SLC26A11: variants seen among roughly 807,000 people sequenced by gnomAD.
The protein encoded by SLC26A11 is solute carrier family 26 member 11.
In SLC26A11, 58 loss-of-function variants were observed where a neutral mutation model predicts 62.2. The ratio of observed to expected loss-of-function variants is 0.93; its 90% CI spans 0.76 to 1.16. SLC26A11 has a LOEUF of 1.16. SLC26A11 is among the 50% of genes most tolerant of loss of function. The pLI is 0.00. For missense variants in SLC26A11, 790 were observed against 794.3 expected, an observed-to-expected ratio of 0.99 and a Z score of 0.06; for synonymous variants, 411 against 368.9, an observed-to-expected ratio of 1.11 and a Z score of -1.31.
chr17:80,237,151 C>T, intron 8 of SLC26A11, 48 bp downstream of exon 8: 1 of 1,580,292 alleles, frequency 6.3e-7, no homozygotes. Context: ...CTGCGGTGGC[C>T]CCTGGCCTGG....
chr17:80,221,510 C>A, intron 2 of SLC26A11, 38 bp from the exon 3 acceptor site: 1 of 1,432,706 alleles, frequency 7.0e-7, no homozygotes, highest in Non-Finnish European at 9.3e-7. Flanking sequence ...TCAAAGGCCA[C>A]GCTCTGACTG....
intron 7 of SLC26A11, among the ~76,000 whole-genome samples, chr17:80,234,482 G>GTTTT (rs1567954461): frequency 6.6e-6 from 1 of 151,484 alleles, no homozygotes; most frequent in African/African-American, 2.4e-5. Flanking sequence ...TTGTTTGTTT[G>GTTTT]TTTTTTGTTT....
In SLC26A11 at chr17:80,233,733, C is replaced by A. The variant is rs115171948; in HGVS notation, c.737-3195C>A. ...GGACTATAGGCATGCATCACCACGC[C>A]TGGATAATTTTTTATTTTTACTTTT... On this transcript the variant is annotated intron_variant, in intron 7 of 17. Transcript: ENST00000361193. Among the ~76,000 whole-genome samples the A allele has an allele frequency of 3.5e-3, 532 of 152,124 alleles. 5 individuals are homozygous for A. The highest frequency in any genetic ancestry group is 0.012 in the African/African-American group (513 of 41,488).
At chr17:80,245,486 A>G in intron 11 of SLC26A11, 1 of 538,536 alleles carries the variant, frequency 1.9e-6, no homozygotes, top group Non-Finnish European at 3.4e-6. Flanking sequence ...GCATTGTGGT[A>G]CACCCTTGTT....
In SLC26A11 at chr17:80,222,071, T is replaced by C. The variant is rs1277975719; in HGVS notation, c.234+277T>C. On this transcript the variant is annotated intron_variant, in intron 3 of 17. Transcript: ENST00000361193. This position sits in a 1 kb window ranked among gnomAD's most constrained non-coding sequence, Gnocchi z 4.7. ...GCCCGACCAAAATGGTGAAACCCCG[T>C]CTCCACTAAAAATACAAAAATTAGG... is the stretch of plus-strand genomic sequence containing the variant. 2 of 420,788 alleles carry C rather than the reference T, an allele frequency of 4.8e-6. No homozygotes were observed. Among genetic ancestry groups the C allele is most frequent in the African/African-American group, 2.1e-5 (1 of 48,592 alleles). The allele number at this position is 420,788 out of a possible 1,614,324, so 26.1% of individuals were successfully genotyped here. A position where few individuals can be genotyped will look rare whatever the true frequency, so the allele number is the denominator to read the frequency against.
At position 80,252,672 on chromosome 17, in the gene SLC26A11, G is replaced by A; in HGVS notation, c.1777G>A (p.Glu593Lys). Residue 593 changes from glutamate to lysine, a missense_variant, in exon 18 of 18, where the codon GAA becomes AAA. Transcript: ENST00000361193. The surrounding 1 kb of genome is among the most constrained non-coding windows in gnomAD (Gnocchi z 5.2). ...AGGGACCCAGCCCTACAACATCAGA[G>A]AAGACTCCATTCTGGACCAAAAGGT... ...EPGTQPYNIR[E>K]DSILDQKVAL... is the part of the protein sequence containing the mutation. 6.2e-7 allele frequency: 1 copy of A among 1,614,054 alleles called. No individual in the cohort carries two copies. Among genetic ancestry groups the A allele is most frequent in the Non-Finnish European group, 8.5e-7 (1 of 1,179,998 alleles).
chr17:80,227,534 A>T (rs2042444417), intron 6 of SLC26A11, among the ~76,000 whole-genome samples: 1 of 152,248 alleles, frequency 6.6e-6, no homozygotes, highest in African/African-American at 2.4e-5. Flanking sequence ...TAGAACAGGG[A>T]TGCATATTGC....
At chr17:80,239,291 C>A (rs1273809986) in intron 9 of SLC26A11, among the ~76,000 whole-genome samples, 4 of 151,776 alleles carry the variant, frequency 2.6e-5, no homozygotes, top group African/African-American at 9.7e-5. Context: ...GTTGATCATA[C>A]TGGTCTCAAA....
chr17:80,247,647 C>T (rs541744349), intron 13 of SLC26A11, among the ~76,000 whole-genome samples: 7 of 152,220 alleles, frequency 4.6e-5, no homozygotes, highest in African/African-American at 7.2e-5. Context: ...AGCCCTGAAA[C>T]GTGTTCATGT....
Position 80,246,356 on chromosome 17 carries a change from C to G in SLC26A11, c.1153+147C>G. The G allele has an allele frequency of 7.1e-7, 1 of 1,405,456 alleles. No homozygotes were observed. Among genetic ancestry groups the G allele is most frequent in the Admixed American group, 2.1e-5 (1 of 47,044 alleles). The allele number at this position is 1,405,456 out of a possible 1,614,324, so 87.1% of individuals were successfully genotyped here. On this transcript the variant is annotated intron_variant, in intron 12 of 17. Transcript: ENST00000361193. The surrounding 1 kb of genome is among the most constrained non-coding windows in gnomAD (Gnocchi z 4.4). ...GGGGGGCCACACAGGAGTAGGGGGA[C>G]CACAGGAGACTGAGCAGGGGCTGGG...
chr17:80,234,839 A>G, intron 7 of SLC26A11, among the ~76,000 whole-genome samples: 1 of 150,104 alleles, frequency 6.7e-6, no homozygotes, highest in East Asian at 1.9e-4. Flanking sequence ...ATCCAGTTTG[A>G]ATCTTTTTTT....
chr17:80,224,397 G>T (rs1174467996), intron 5 of SLC26A11, among the ~76,000 whole-genome samples: 1 of 148,926 alleles, frequency 6.7e-6, no homozygotes, highest in Non-Finnish European at 1.5e-5. Context: ...GTGAGTGTAT[G>T]AGTGTGAGAG....
At chr17:80,225,742 C>T in intron 5 of SLC26A11, 95 bp from the exon 6 acceptor site, 2 of 1,103,782 alleles carry the variant, frequency 1.8e-6, no homozygotes, top group South Asian at 1.3e-5. Flanking sequence ...CCGGGGGACA[C>T]TGTCTCAGCC....
Position 80,248,605 on chromosome 17 carries a change from C to T in SLC26A11, c.1453C>T (p.Pro485Ser). The change falls in exon 15 of 18, where the codon CCG becomes TCG. Residue 485 changes from proline (P) to serine (S), a missense_variant. Coordinates refer to ENST00000361193, the MANE Select transcript of SLC26A11 (RefSeq NM_001166347.2). ...VSEGPVLVLQ[P>S]ASGLSFPAME... ...AGAGGGGCCGGTTCTGGTCCTGCAG[C>T]CGGCCAGCGGCCTGTCCTTCCCTGC... 6.3e-7 allele frequency: 1 copy of T among 1,589,138 alleles called. No homozygotes were observed. The highest frequency in any genetic ancestry group is 8.6e-7 in the Non-Finnish European group (1 of 1,168,246).
chr17:80,224,178 T>A (rs536382645), intron 5 of SLC26A11, among the ~76,000 whole-genome samples: 1 of 140,760 alleles, frequency 7.1e-6, no homozygotes, highest in African/African-American at 2.5e-5. Flanking sequence ...AGAGTGTGTG[T>A]GAGAGTGTGT....
intron 7 of SLC26A11, among the ~76,000 whole-genome samples, chr17:80,234,058 G>A (rs6420488): frequency 0.057 from 8,702 of 152,074 alleles, 300 homozygotes; most frequent in Middle Eastern, 0.12. Flanking sequence ...AGGCTGGAGT[G>A]CAGTGGCACG....
chr17:80,246,417 C>A lies in SLC26A11; in HGVS notation c.1154-92C>A, dbSNP rs891815929. 2.1e-5 allele frequency: 33 copies of A among 1,551,796 alleles called. No homozygotes were observed. The highest frequency in any genetic ancestry group is 2.9e-5 in the Non-Finnish European group (33 of 1,147,916). ...GTCGTCGCCCTACCCCCACCCCTGT[C>A]CCCAGTGGGCTCTGCTGAACAAGAG... On this transcript the variant is annotated intron_variant, in intron 12 of 17. Coordinates refer to ENST00000361193, the MANE Select transcript of SLC26A11 (RefSeq NM_001166347.2). The surrounding 1 kb of genome is among the most constrained non-coding windows in gnomAD (Gnocchi z 4.4).
At position 80,222,488 on chromosome 17, in the gene SLC26A11, A is replaced by C. The variant is rs74000634; in HGVS notation, c.235-167A>C. 1.6e-6 allele frequency: 1 copy of C among 640,210 alleles called. No homozygotes were observed. The highest frequency in any genetic ancestry group is 1.8e-5 in the African/African-American group (1 of 54,574). The allele number at this position is 640,210 out of a possible 1,614,324, so 39.7% of individuals were successfully genotyped here. A position where few individuals can be genotyped will look rare whatever the true frequency, so the allele number is the denominator to read the frequency against. Reference sequence around the variant, plus strand: ...GGCCCCAGTTGAGTGCTGCTAAAAAAGTGGCCTCCTGATCACTGCAGGTCC... The same window carrying C: ...GGCCCCAGTTGAGTGCTGCTAAAAACGTGGCCTCCTGATCACTGCAGGTCC... On this transcript the variant is annotated intron_variant, in intron 3 of 17. Coordinates refer to ENST00000361193, the MANE Select transcript of SLC26A11 (RefSeq NM_001166347.2). The surrounding 1 kb of genome is among the most constrained non-coding windows in gnomAD (Gnocchi z 4.7).
intron 5 of SLC26A11, among the ~76,000 whole-genome samples, chr17:80,225,174 C>T (rs1167217770): frequency 6.6e-6 from 1 of 152,014 alleles, no homozygotes; most frequent in Non-Finnish European, 1.5e-5. Flanking sequence ...ACCCCCACCC[C>T]CCAACCCCCC....
Sources: allele counts gnomAD v4.1 joint callset (sites outside exome capture counted in the v4.1 genomes callset), GRCh38; gene constraint gnomAD v4.1.1; non-coding constraint Gnocchi (gnomAD v3.1); transcripts MANE v1.5; gene names NCBI Gene and HGNC (gene_info 2026-07-23, HGNC 2026-07-21).